CNBD2: variants seen among roughly 807,000 people sequenced by gnomAD.
CNBD2 encodes the protein cyclic nucleotide binding domain containing 2.
CNBD2 carries 64 observed loss-of-function variants against 63.7 expected under a neutral mutation model. That is an observed-to-expected ratio of 1.00 (90% confidence interval 0.82 to 1.24). The LOEUF (loss-of-function observed/expected upper bound fraction) is 1.24. Among genes scored for constraint, CNBD2 ranks in the 50% most tolerant of loss-of-function variants. CNBD2 has a pLI of 0.00. For missense variants in CNBD2, 691 were observed against 713.5 expected (o/e 0.97, Z 0.36); for synonymous variants, 229 against 255.4 (o/e 0.90, Z 0.99).
intron 11 of CNBD2, among the ~76,000 whole-genome samples, chr20:36,026,568 TC>T (rs2057285425): frequency 6.6e-6 from 1 of 151,890 alleles, no homozygotes; most frequent in African/African-American, 2.4e-5. Flanking sequence ...CCCACTCAAG[TC>T]CCCTCCAGCA....
intron 7 of CNBD2, among the ~76,000 whole-genome samples, chr20:35,991,405 G>T (rs1213754098): frequency 1.3e-5 from 2 of 152,070 alleles, no homozygotes; most frequent in African/African-American, 2.4e-5. Context: ...TGTTATTCTC[G>T]GCTCAGTCCC....
intron 11 of CNBD2, among the ~76,000 whole-genome samples, chr20:36,028,500 C>T (rs532335698): frequency 3.3e-5 from 5 of 152,302 alleles, no homozygotes; most frequent in Non-Finnish European, 1.5e-5. Context: ...ATAGCGCAGG[C>T]TGGTTATCCT....
exon 1 of CNBD2, chr20:35,955,117 A>G (rs1441101260): frequency 5.9e-6 from 1 of 170,236 alleles, no homozygotes; most frequent in African/African-American, 2.4e-5. Flanking sequence ...TAACGTCAGC[A>G]TTTAATAAGT....
At chr20:36,030,307 G>A (rs748082547) in intron 11 of CNBD2, 50 bp from the exon 12 acceptor site, 2 of 1,586,040 alleles carry the variant, frequency 1.3e-6, no homozygotes, top group South Asian at 2.2e-5. Context: ...AGGCAAGGCT[G>A]GAGGGGCGGG....
chr20:36,016,332 C>T (rs2057132314), intron 10 of CNBD2, among the ~76,000 whole-genome samples: 1 of 152,182 alleles, frequency 6.6e-6, no homozygotes, highest in Non-Finnish European at 1.5e-5. Context: ...AACAGGAAAT[C>T]TAAGCAACTC....
At chr20:35,977,422 C>T (rs1211945730) in intron 3 of CNBD2, among the ~76,000 whole-genome samples, 1 of 152,162 alleles carries the variant, frequency 6.6e-6, no homozygotes, top group East Asian at 1.9e-4. Context: ...GTAATCTCAG[C>T]ACTTTGGGAG....
chr20:36,030,474 C>CA lies in CNBD2; in HGVS notation c.1559dup (p.Lys521GlufsTer8). ...GTCAACTGTTCACTCCAAACCGGCC[C>CA]AAGAAGAGAGAGATCTACAACCCTA... is the stretch of plus-strand genomic sequence containing the variant. On this transcript the variant is annotated frameshift_variant, in exon 12 of 12. Coordinates refer to ENST00000373973, the MANE Select transcript of CNBD2 (RefSeq NM_001365709.1). LOFTEE classifies it low-confidence loss of function (END_TRUNC). The CA allele has an allele frequency of 6.2e-7, 1 of 1,613,840 alleles. No homozygotes were observed. Among genetic ancestry groups the CA allele is most frequent in the South Asian group, 1.1e-5 (1 of 91,066 alleles).
upstream of CNBD2, among the ~76,000 whole-genome samples, chr20:35,965,181 CTCTT>C (rs1646054195): frequency 6.7e-6 from 1 of 148,442 alleles, no homozygotes; most frequent in Non-Finnish European, 1.5e-5. Context: ...CTCCCTCTCT[CTCTT>C]TTTTTTTTTT....
In CNBD2 at chr20:36,011,169, T is replaced by C. The variant is rs766340110; in HGVS notation, c.1181T>C (p.Met394Thr). The C allele has an allele frequency of 2.4e-5, 38 of 1,595,550 alleles. No individual in the cohort carries two copies. The East Asian group carries it at 8.5e-4, about 36-fold the overall frequency. The change falls in exon 10 of 12, where the codon ATG becomes ACG. Residue 394 changes from methionine (M) to threonine (T), a missense_variant. By Grantham distance (81) the Met-to-Thr change is moderately conservative. Transcript: ENST00000373973. Reference sequence around the variant, plus strand: ...CCTGCTCAGTCGATCAAATGTGCCATGATCAATATCAAGCCTGGTGAGCTC... The same window carrying C: ...CCTGCTCAGTCGATCAAATGTGCCACGATCAATATCAAGCCTGGTGAGCTC... ...SRPAQSIKCA[M>T]INIKPGELPK...
rs1265331694 is a variant in CNBD2, at chr20:36,030,611, A to G, written c.1694A>G (p.Lys565Arg). The G allele has an allele frequency of 3.7e-6, 6 of 1,614,066 alleles. No homozygotes were observed. Among genetic ancestry groups the G allele is most frequent in the East Asian group, 2.2e-5 (1 of 44,904 alleles). Residue 565 changes from lysine to arginine, a missense_variant, in exon 12 of 12, where the codon AAA becomes AGA. By Grantham distance (26) the Lys-to-Arg change is conservative. Coordinates refer to ENST00000373973, the MANE Select transcript of CNBD2 (RefSeq NM_001365709.1). Reference sequence around the variant, plus strand: ...CCATTGAGGATTGTCCAAGCCATCAAAGCACCTCGGTACAAAATCCGAGAA... The same window carrying G: ...CCATTGAGGATTGTCCAAGCCATCAGAGCACCTCGGTACAAAATCCGAGAA... ...LPPLRIVQAI[K>R]APRYKIRELL...
intron 2 of CNBD2, among the ~76,000 whole-genome samples, chr20:35,963,311 G>A (rs2056321845): frequency 6.6e-6 from 1 of 150,600 alleles, no homozygotes; most frequent in Admixed American, 6.6e-5. Context: ...ACTGCACTCT[G>A]GCCTAGGGCA....
chr20:36,003,264 T>G (rs2056941088), intron 8 of CNBD2, among the ~76,000 whole-genome samples: 1 of 152,230 alleles, frequency 6.6e-6, no homozygotes, highest in Non-Finnish European at 1.5e-5. Context: ...TGAGTCAGTT[T>G]CAATCCATTG....
chr20:36,011,702 A>G (rs2057063856), intron 10 of CNBD2, among the ~76,000 whole-genome samples: 1 of 152,212 alleles, frequency 6.6e-6, no homozygotes, highest in Non-Finnish European at 1.5e-5. Context: ...AAATAAAACT[A>G]TCTTTGTTTG....
intron 4 of CNBD2, among the ~76,000 whole-genome samples, chr20:35,983,036 T>C (rs1213390462): frequency 6.6e-6 from 1 of 151,874 alleles, no homozygotes; most frequent in Non-Finnish European, 1.5e-5. Flanking sequence ...CCCTTCCTTA[T>C]TGATAGTAAT....
At position 36,002,226 on chromosome 20, in the gene CNBD2, C is replaced by T. The variant is rs574933861; in HGVS notation, c.971-6071C>T. Among the ~76,000 whole-genome samples, 534 of 152,374 alleles carry T rather than the reference C, an allele frequency of 3.5e-3. 10 individuals are homozygous for T. The highest frequency in any genetic ancestry group is 0.012 in the African/African-American group (490 of 41,590). On this transcript the variant is annotated intron_variant, in intron 8 of 11. Transcript: ENST00000373973. Reference sequence around the variant, plus strand: ...CCCGGCCAACACAGCGAAACCCCGTCTCCACCAAAAAAATACGAAAACCAG... The same window carrying T: ...CCCGGCCAACACAGCGAAACCCCGTTTCCACCAAAAAAATACGAAAACCAG...
upstream of CNBD2, among the ~76,000 whole-genome samples, chr20:35,964,542 C>A (rs562060735): frequency 1.4e-5 from 2 of 146,194 alleles, no homozygotes; most frequent in African/African-American, 5.2e-5. Flanking sequence ...AGGCGCCTGC[C>A]ACCACGCCCG....
intron 4 of CNBD2, among the ~76,000 whole-genome samples, chr20:35,983,666 G>A (rs1037398452): frequency 9.9e-5 from 15 of 152,214 alleles, no homozygotes; most frequent in African/African-American, 3.4e-4. Flanking sequence ...CCCATTCATT[G>A]CTTTCAGCAT....
At chr20:36,025,465 G>A (rs1330711904) in intron 11 of CNBD2, among the ~76,000 whole-genome samples, 1 of 152,136 alleles carries the variant, frequency 6.6e-6, no homozygotes, top group African/African-American at 2.4e-5. Flanking sequence ...CTCCTGAGTA[G>A]CTGGAACTAT....
chr20:36,015,987 G>A (rs1044933717), intron 10 of CNBD2, among the ~76,000 whole-genome samples: 2 of 152,168 alleles, frequency 1.3e-5, no homozygotes, highest in African/African-American at 4.8e-5. Context: ...GAAAAACACA[G>A]CCAGATCATC....
Sources: allele counts gnomAD v4.1 joint callset (sites outside exome capture counted in the v4.1 genomes callset), GRCh38; gene constraint gnomAD v4.1.1; transcripts MANE v1.5; gene names NCBI Gene and HGNC (gene_info 2026-07-23, HGNC 2026-07-21).